PRKAG2: variants seen among roughly 807,000 people sequenced by gnomAD.
PRKAG2 encodes protein kinase AMP-activated non-catalytic subunit gamma 2, also known as 5'-AMP-activated protein kinase subunit gamma-2.
In PRKAG2, 26 loss-of-function variants were observed where a neutral mutation model predicts 69.6. The ratio of observed to expected loss-of-function variants is 0.37; its 90% confidence interval spans 0.27 to 0.52. PRKAG2 has a LOEUF of 0.52. Ranked by LOEUF, PRKAG2 falls within the 20% of genes least tolerant of loss-of-function variation. The pLI is 0.90. For synonymous variants in PRKAG2, 293 were observed against 285.0 expected, an observed-to-expected ratio of 1.03 and a Z score of -0.28; for missense variants, 557 against 740.0, an observed-to-expected ratio of 0.75 and a Z score of 2.87.
intron 1 of PRKAG2, among the ~76,000 whole-genome samples, chr7:151,858,929 A>G (rs2079850673): frequency 6.6e-6 from 1 of 152,134 alleles, no homozygotes; most frequent in Non-Finnish European, 1.5e-5. Context: ...TCTCGCCCCT[A>G]GGAGGCCCCT....
intron 1 of PRKAG2, chr7:151,806,824 G>A: frequency 2.7e-6 from 1 of 369,690 alleles, no homozygotes; most frequent in Non-Finnish European, 5.3e-6. Context: ...AAAGTTAGCT[G>A]GGCGTGTTGG....
chr7:151,811,512 G>A (rs1226860207), intron 1 of PRKAG2, among the ~76,000 whole-genome samples: 1 of 152,250 alleles, frequency 6.6e-6, no homozygotes, highest in African/African-American at 2.4e-5. Flanking sequence ...TTCAGTAATT[G>A]AGGCTAGAGC....
chr7:151,868,589 T>C (rs1000411847), intron 1 of PRKAG2, among the ~76,000 whole-genome samples: 1 of 152,262 alleles, frequency 6.6e-6, no homozygotes, highest in African/African-American at 2.4e-5. Flanking sequence ...GTTATCAGGA[T>C]GGGCTGGTTC....
chr7:151,859,859 G>T lies in PRKAG2; in HGVS notation c.114+16648C>A, dbSNP rs533676782. Reference sequence around the variant, plus strand: ...AACAGCTGTCCCTCACTCCCATTTAGGCAGTAGTCATCTCAGGGTATCAGC... The same window carrying T: ...AACAGCTGTCCCTCACTCCCATTTATGCAGTAGTCATCTCAGGGTATCAGC... On this transcript the variant is annotated intron_variant, in intron 1 of 15. Transcript: ENST00000287878. Among the ~76,000 whole-genome samples the T allele has an allele frequency of 1.8e-4, 27 of 152,314 alleles. 1 individual carries two copies. In the South Asian group the frequency reaches 4.1e-3, roughly 23 times the overall value.
At chr7:151,713,452 T>C (rs1795637846) in intron 3 of PRKAG2, among the ~76,000 whole-genome samples, 1 of 151,844 alleles carries the variant, frequency 6.6e-6, no homozygotes, top group Non-Finnish European at 1.5e-5. Flanking sequence ...AGTATTTTCT[T>C]TTTTTACTTT....
chr7:151,785,366 G>A (rs2076949832), intron 2 of PRKAG2, among the ~76,000 whole-genome samples: 1 of 152,224 alleles, frequency 6.6e-6, no homozygotes, highest in South Asian at 2.1e-4. Context: ...CTTGCACGGG[G>A]TTGGTGGCCC....
intron 3 of PRKAG2, 130 bp from the exon 4 acceptor site, chr7:151,675,767 C>T (rs1473731978): frequency 4.7e-5 from 41 of 879,054 alleles, no homozygotes; most frequent in Middle Eastern, 6.2e-4. Context: ...GAAGGGACGT[C>T]GGGGGCAGTC....
chr7:151,748,633 G>C (rs1313717297), intron 3 of PRKAG2, among the ~76,000 whole-genome samples: 1 of 152,020 alleles, frequency 6.6e-6, no homozygotes, highest in East Asian at 1.9e-4. Flanking sequence ...CCATGCGATT[G>C]AACTACTTCA....
chr7:151,645,586 A>T (rs7796163), intron 4 of PRKAG2, among the ~76,000 whole-genome samples: 7,463 of 152,252 alleles, frequency 0.049, 430 homozygotes, highest in East Asian at 0.2. Flanking sequence ...TGGGTTTTAA[A>T]AAAATGCATT....
At chr7:151,695,886 AC>A (rs1229200201) in intron 3 of PRKAG2, among the ~76,000 whole-genome samples, 1 of 151,874 alleles carries the variant, frequency 6.6e-6, no homozygotes, top group Non-Finnish European at 1.5e-5. Flanking sequence ...ACAGGTGGAA[AC>A]CGTAGGCACT....
At chr7:151,709,629 T>C in intron 3 of PRKAG2, among the ~76,000 whole-genome samples, 1 of 151,982 alleles carries the variant, frequency 6.6e-6, no homozygotes, top group South Asian at 2.1e-4. Flanking sequence ...CACTGACACA[T>C]GTGACTGTCA....
chr7:151,711,256 A>G (rs1795256694), intron 3 of PRKAG2, among the ~76,000 whole-genome samples: 1 of 150,992 alleles, frequency 6.6e-6, no homozygotes, highest in African/African-American at 2.4e-5. Flanking sequence ...GGCTGAGAGT[A>G]TGAAGAGTGC....
At position 151,777,212 on chromosome 7, in the gene PRKAG2, C is replaced by T. The variant is rs76412828; in HGVS notation, c.466+3940G>A. Reference sequence around the variant, plus strand: ...GGCCCCGAGGTCTAGCTCTTCACTGCGGCAGCACCCCATGTGGACACCAGC... The same window carrying T: ...GGCCCCGAGGTCTAGCTCTTCACTGTGGCAGCACCCCATGTGGACACCAGC... On this transcript the variant is annotated intron_variant, in intron 3 of 15. Transcript: ENST00000287878. This position sits in a 1 kb window ranked among gnomAD's most constrained non-coding sequence, Gnocchi z 4.3. Among the ~76,000 whole-genome samples the T allele has an allele frequency of 7.9e-5, 12 of 152,204 alleles. No homozygotes were observed. In the South Asian group the frequency reaches 8.3e-4, roughly 11 times the overall value.
At chr7:151,776,648 G>GA (rs1421361391) in intron 3 of PRKAG2, among the ~76,000 whole-genome samples, 3 of 152,208 alleles carry the variant, frequency 2.0e-5, no homozygotes, top group African/African-American at 4.8e-5. Context: ...TCTGCCATAG[G>GA]AAAAAAGCAA....
At chr7:151,660,811 C>G (rs1227887794) in intron 4 of PRKAG2, among the ~76,000 whole-genome samples, 1 of 152,204 alleles carries the variant, frequency 6.6e-6, no homozygotes, top group Non-Finnish European at 1.5e-5. Flanking sequence ...CCATTTGTCT[C>G]AAAGAGGCGG....
intron 3 of PRKAG2, among the ~76,000 whole-genome samples, chr7:151,750,522 T>G (rs1396230227): frequency 6.6e-6 from 1 of 152,168 alleles, no homozygotes; most frequent in Admixed American, 6.5e-5. Context: ...GTCATGGGGT[T>G]CTGTTTCTGT....
rs1807250720 is a variant in PRKAG2, at chr7:151,570,327, G to A, written c.1052-102C>T. On this transcript the variant is annotated intron_variant, in intron 9 of 15. Transcript: ENST00000287878. The stretch of plus-strand genomic sequence containing the variant: ...TCAGTTTACGGTTAATAGTTAGAAG[G>A]ATTAAAAACTCAAATAAAAAGAAAT... The A allele has an allele frequency of 3.1e-6, 4 of 1,308,450 alleles. No individual in the cohort carries two copies. The Admixed American group carries it at 9.2e-5, about 30-fold the overall frequency. 81.1% of individuals were successfully genotyped at this position (1,308,450 alleles called of 1,614,324 possible). A position where few individuals can be genotyped will look rare whatever the true frequency, so the allele number is the denominator to read the frequency against.
At chr7:151,755,507 T>A (rs1457877126) in intron 3 of PRKAG2, among the ~76,000 whole-genome samples, 2 of 152,046 alleles carry the variant, frequency 1.3e-5, no homozygotes, top group Non-Finnish European at 2.9e-5. Context: ...TTAAATGTGC[T>A]GGGGCGGCGT....
chr7:151,827,744 G>GGAAAA (rs2078932406), intron 1 of PRKAG2, among the ~76,000 whole-genome samples: 2 of 32,138 alleles, frequency 6.2e-5, no homozygotes, highest in African/African-American at 9.5e-5. Context: ...GTGGCCTTAG[G>GGAAAA]TAAAAAAAAA....
Sources: allele counts gnomAD v4.1 joint callset (sites outside exome capture counted in the v4.1 genomes callset), GRCh38; gene constraint gnomAD v4.1.1; non-coding constraint Gnocchi (gnomAD v3.1); transcripts MANE v1.5; gene names NCBI Gene and HGNC (gene_info 2026-07-23, HGNC 2026-07-21).